The following TRPS1 variants were observed in gnomAD, a reference collection of about 807,000 sequenced individuals.
TRPS1 encodes zinc finger transcription factor Trps1.
A neutral mutation model predicts 101.2 loss-of-function variants in TRPS1; 6 were observed. The observed-to-expected ratio is 0.06, with a 90% CI of 0.03 to 0.12. The LOEUF (loss-of-function observed/expected upper bound fraction) is 0.12, where lower values mean the gene tolerates loss of function less well. Ranked by LOEUF, TRPS1 falls within the 10% of genes least tolerant of loss-of-function variation. The pLI is 1.00. For missense variants in TRPS1, 1,363 were observed against 1,567.0 expected (o/e 0.87, Z 2.20); for synonymous variants, 578 against 589.8 (o/e 0.98, Z 0.29).
chr8:115,491,194 T>A (rs1173349417), intron 5 of TRPS1, among the ~76,000 whole-genome samples: 1 of 152,224 alleles, frequency 6.6e-6, no homozygotes, highest in African/African-American at 2.4e-5. Flanking sequence ...GCTTTGTTAT[T>A]CACTATTACG....
chr8:115,662,691 TAAAAA>T (rs751548438), intron 1 of TRPS1, among the ~76,000 whole-genome samples: 1 of 107,600 alleles, frequency 9.3e-6, no homozygotes, highest in Non-Finnish European at 2.2e-5. Context: ...TGACTATTTA[TAAAAA>T]AAAAAAAAAA....
chr8:115,636,660 C>A (rs963674214), intron 1 of TRPS1, among the ~76,000 whole-genome samples: 6 of 152,206 alleles, frequency 3.9e-5, no homozygotes, highest in Middle Eastern at 3.4e-3. Flanking sequence ...ACGCCTTTAA[C>A]CCCAACACTT....
intron 5 of TRPS1, among the ~76,000 whole-genome samples, chr8:115,529,575 C>A (rs1194989075): frequency 6.6e-6 from 1 of 152,038 alleles, no homozygotes; most frequent in African/African-American, 2.4e-5. Context: ...CTATGACTAC[C>A]TCTCCTGAAG....
At chr8:115,640,537 C>T (rs111429137) in intron 1 of TRPS1, among the ~76,000 whole-genome samples, 189 of 152,214 alleles carry the variant, frequency 1.2e-3, no homozygotes, top group African/African-American at 4.3e-3. Context: ...CAGTGTTGTT[C>T]GTGTTCACAG....
At chr8:115,647,429 T>C (rs1338013011) in intron 1 of TRPS1, among the ~76,000 whole-genome samples, 2 of 152,116 alleles carry the variant, frequency 1.3e-5, no homozygotes, top group Non-Finnish European at 2.9e-5. Flanking sequence ...AAGAAAAACA[T>C]AAAGGCCTCA....
chr8:115,612,283 T>C (rs563783944), intron 3 of TRPS1, among the ~76,000 whole-genome samples: 1 of 147,228 alleles, frequency 6.8e-6, no homozygotes, highest in South Asian at 2.2e-4. Flanking sequence ...GAGGAAAGAA[T>C]AGGAGGTGAG....
chr8:115,500,338 G>A (rs1390664373), intron 5 of TRPS1, among the ~76,000 whole-genome samples: 1 of 151,692 alleles, frequency 6.6e-6, no homozygotes, highest in East Asian at 1.9e-4. Flanking sequence ...TATTTCTTAA[G>A]TTACTTAAAA....
chr8:115,431,406 A>G (rs1052190402), intron 5 of TRPS1, among the ~76,000 whole-genome samples: 1 of 152,044 alleles, frequency 6.6e-6, no homozygotes, highest in Non-Finnish European at 1.5e-5. Flanking sequence ...ACTCCCTTAT[A>G]TAAGAAACTG....
chr8:115,495,572 T>C (rs1156946110), intron 5 of TRPS1, among the ~76,000 whole-genome samples: 1 of 151,588 alleles, frequency 6.6e-6, no homozygotes, highest in Non-Finnish European at 1.5e-5. Context: ...AATTTGACAT[T>C]GGAATGTTTT....
chr8:115,529,534 G>A (rs895876113), intron 5 of TRPS1, among the ~76,000 whole-genome samples: 1 of 152,058 alleles, frequency 6.6e-6, no homozygotes, highest in African/African-American at 2.4e-5. Flanking sequence ...TCACTGGACA[G>A]GTTCTTTCAA....
intron 5 of TRPS1, among the ~76,000 whole-genome samples, chr8:115,583,854 A>G (rs1247162225): frequency 1.3e-5 from 2 of 152,074 alleles, no homozygotes; most frequent in African/African-American, 2.4e-5. Flanking sequence ...TACATAAATG[A>G]TATCATATTG....
rs544606892 is a variant in TRPS1 at position 115,409,757 on chromosome 8, A to C, written c.*4266T>G. On this transcript the variant is annotated 3_prime_UTR_variant, in exon 7 of 7. Coordinates refer to ENST00000395715, the MANE Select transcript of TRPS1 (RefSeq NM_014112.5). ...GTCCTTCTATCTTCTTCTCATTTGC[A>C]GTTGCCTGCTGATAGAATTCCACCT... is the stretch of plus-strand genomic sequence containing the variant. 1 of 152,244 alleles carries C rather than the reference A, an allele frequency of 6.6e-6. No homozygotes were observed. The highest frequency in any genetic ancestry group is 6.6e-5 in the Admixed American group (1 of 15,264). The allele number at this position is 152,244 out of a possible 1,614,324, so 9.4% of individuals were successfully genotyped here. A position where few individuals can be genotyped will look rare whatever the true frequency, so the allele number is the denominator to read the frequency against.
At chr8:115,535,245 C>CATATATATAGCATATATAGCAT (rs375473986) in intron 5 of TRPS1, among the ~76,000 whole-genome samples, 744 of 35,060 alleles carry the variant, frequency 0.021, 29 homozygotes, top group Non-Finnish European at 0.026. Flanking sequence ...GCATATATAG[C>CATATATATAGCATATATAGCAT]ATATATAGCA....
At chr8:115,583,646 T>A (rs2130434253) in intron 5 of TRPS1, among the ~76,000 whole-genome samples, 1 of 152,108 alleles carries the variant, frequency 6.6e-6, no homozygotes, top group East Asian at 1.9e-4. Flanking sequence ...TTTGTAGAAA[T>A]ATTGTGTGAT....
rs1169383208 is a variant in TRPS1, at chr8:115,514,647, C to G, written c.2700+72354G>C. On this transcript the variant is annotated intron_variant, in intron 5 of 6. Transcript: ENST00000395715. ...CCTTCCATGCAAAAGATATTTTGCA[C>G]AATGAAATGAGTTTACCATACTGAT... Among the ~76,000 whole-genome samples the G allele has an allele frequency of 1.5e-4, 22 of 151,386 alleles. No individual in the cohort carries two copies. In the Admixed American group the frequency reaches 1.5e-3, roughly 10 times the overall value.
intron 1 of TRPS1, among the ~76,000 whole-genome samples, chr8:115,665,907 T>C (rs1701285364): frequency 6.6e-6 from 1 of 152,172 alleles, no homozygotes; most frequent in African/African-American, 2.4e-5. Flanking sequence ...AAAAGCAGTC[T>C]ACACATATAT....
intron 5 of TRPS1, among the ~76,000 whole-genome samples, chr8:115,455,338 C>T (rs1586290287): frequency 6.6e-6 from 1 of 152,134 alleles, no homozygotes; most frequent in Admixed American, 6.5e-5. Context: ...TTAATGTTTG[C>T]TAGGGTTTAG....
At chr8:115,645,106 G>A (rs1818994694) in intron 1 of TRPS1, among the ~76,000 whole-genome samples, 1 of 152,046 alleles carries the variant, frequency 6.6e-6, no homozygotes, top group Admixed American at 6.5e-5. Flanking sequence ...TGAAAAAAAT[G>A]GTGCTGATAG....
intron 1 of TRPS1, among the ~76,000 whole-genome samples, chr8:115,647,504 C>T (rs17716502): frequency 0.14 from 21,348 of 152,026 alleles, 2,003 homozygotes; most frequent in Non-Finnish European, 0.19. Context: ...CTCCAAAAGG[C>T]TTCATGTGCT....
Sources: allele counts gnomAD v4.1 joint callset (sites outside exome capture counted in the v4.1 genomes callset), GRCh38; gene constraint gnomAD v4.1.1; transcripts MANE v1.5; gene names NCBI Gene and HGNC (gene_info 2026-07-23, HGNC 2026-07-21).